PRELID2: variants seen among roughly 807,000 people sequenced by gnomAD.
PRELID2 encodes the protein PRELI domain containing 2.
Under a neutral mutation model 28.4 loss-of-function variants are expected in PRELID2, and 25 were observed. That is an observed-to-expected ratio of 0.88 (90% CI 0.64 to 1.23). The LOEUF is 1.23. Ranked by LOEUF, PRELID2 falls within the 50% of genes most tolerant of loss-of-function variation. The pLI is 0.00. For synonymous variants in PRELID2, 76 were observed against 71.6 expected, an observed-to-expected ratio of 1.06 and a Z score of -0.31; for missense variants, 201 against 214.4, an observed-to-expected ratio of 0.94 and a Z score of 0.39.
chr5:145,505,330 G>A (rs1289499996), intron 1 of PRELID2, among the ~76,000 whole-genome samples: 2 of 152,100 alleles, frequency 1.3e-5, no homozygotes, highest in Non-Finnish European at 2.9e-5. Flanking sequence ...CCTCTGAGTA[G>A]CTATGGCCTT....
intron 1 of PRELID2, among the ~76,000 whole-genome samples, chr5:145,473,864 TA>T (rs140869249): frequency 3.5e-3 from 540 of 152,292 alleles, no homozygotes; most frequent in Non-Finnish European, 5.9e-3. Context: ...AGATCGAATA[TA>T]AAAATATATA....
At chr5:145,382,810 A>C in the PRELID2 span, among the ~76,000 whole-genome samples, 1 of 151,938 alleles carries the variant, frequency 6.6e-6, no homozygotes, top group Non-Finnish European at 1.5e-5. Context: ...CCTCAGCATC[A>C]CACAATATAT....
At chr5:145,329,756 T>A in the PRELID2 span, among the ~76,000 whole-genome samples, 2 of 152,172 alleles carry the variant, frequency 1.3e-5, no homozygotes, top group African/African-American at 4.8e-5. Context: ...CTCTCCCTAT[T>A]TGAATACCCT....
At chr5:145,712,962 C>A (rs1046328013) in intron 1 of PRELID2, among the ~76,000 whole-genome samples, 5 of 151,644 alleles carry the variant, frequency 3.3e-5, no homozygotes, top group African/African-American at 1.2e-4. Flanking sequence ...AAGGGTCAGT[C>A]AAGCTAAAGA....
At chr5:145,654,258 T>C (rs1478101424) in intron 1 of PRELID2, among the ~76,000 whole-genome samples, 1 of 152,172 alleles carries the variant, frequency 6.6e-6, no homozygotes, top group Non-Finnish European at 1.5e-5. Flanking sequence ...CAATAATTGA[T>C]AGCTTACCAG....
At chr5:145,686,295 T>A (rs1262749327) in intron 1 of PRELID2, among the ~76,000 whole-genome samples, 1 of 152,172 alleles carries the variant, frequency 6.6e-6, no homozygotes, top group African/African-American at 2.4e-5. Flanking sequence ...CCTAGCACAG[T>A]GCCTGGCTTA....
At chr5:145,604,882 C>CAT (rs35401852) in intron 1 of PRELID2, among the ~76,000 whole-genome samples, 3,862 of 116,030 alleles carry the variant, frequency 0.033, 165 homozygotes, top group South Asian at 0.092. Flanking sequence ...GCTTGTTGGC[C>CAT]ATATATATAT....
At chr5:145,774,597 A>T (rs531466020) in intron 5 of PRELID2, among the ~76,000 whole-genome samples, 2 of 152,328 alleles carry the variant, frequency 1.3e-5, no homozygotes, top group South Asian at 4.1e-4. Flanking sequence ...ACATTCAGCT[A>T]GAGGCTGATG....
At chr5:145,412,782 A>C in the PRELID2 span, among the ~76,000 whole-genome samples, 1 of 152,180 alleles carries the variant, frequency 6.6e-6, no homozygotes. Context: ...TTATAAAGGA[A>C]AGACATTCAA....
intron 1 of PRELID2, among the ~76,000 whole-genome samples, chr5:145,510,371 T>A (rs1035019395): frequency 3.9e-5 from 6 of 152,210 alleles, no homozygotes; most frequent in Non-Finnish European, 8.8e-5. Context: ...TTAATGGGAC[T>A]AGACAGCCTT....
intron 1 of PRELID2, among the ~76,000 whole-genome samples, chr5:145,520,746 A>G (rs1468086141): frequency 6.6e-6 from 1 of 152,158 alleles, no homozygotes; most frequent in Admixed American, 6.5e-5. Flanking sequence ...TCCTTCTCCT[A>G]CTAGAATTTA....
intron 6 of PRELID2, among the ~76,000 whole-genome samples, chr5:145,764,013 T>C (rs1045307145): frequency 6.6e-5 from 10 of 151,684 alleles, no homozygotes; most frequent in Non-Finnish European, 1.2e-4. Flanking sequence ...GAGATGGAGG[T>C]TGCAGAGAGG....
intron 1 of PRELID2, among the ~76,000 whole-genome samples, chr5:145,662,461 G>C (rs1754512386): frequency 6.6e-6 from 1 of 152,084 alleles, no homozygotes; most frequent in African/African-American, 2.4e-5. Flanking sequence ...AAAGGGCAAT[G>C]CTCTTTGGTA....
At chr5:145,655,981 A>G (rs1754386039) in intron 1 of PRELID2, among the ~76,000 whole-genome samples, 1 of 152,222 alleles carries the variant, frequency 6.6e-6, no homozygotes, top group Non-Finnish European at 1.5e-5. Flanking sequence ...AGAATGGGAG[A>G]AAAATTTTGC....
chr5:145,351,039 C>T, the PRELID2 span, among the ~76,000 whole-genome samples: 1 of 152,124 alleles, frequency 6.6e-6, no homozygotes, highest in African/African-American at 2.4e-5. Flanking sequence ...ACTCTCACAA[C>T]ACAGAGAGTA....
At chr5:145,572,450 A>AT (rs1561508547) in intron 1 of PRELID2, among the ~76,000 whole-genome samples, 2 of 152,180 alleles carry the variant, frequency 1.3e-5, no homozygotes, top group East Asian at 3.8e-4. Context: ...AACTCATAGG[A>AT]TTTTTTAAGG....
chr5:145,485,364 G>A, intron 1 of PRELID2, among the ~76,000 whole-genome samples: 1 of 152,176 alleles, frequency 6.6e-6, no homozygotes, highest in East Asian at 1.9e-4. Context: ...AGTGAGGTAA[G>A]TACTTCCAAG....
intron 4 of PRELID2, among the ~76,000 whole-genome samples, chr5:145,808,275 T>A (rs1395145670): frequency 6.6e-6 from 1 of 152,038 alleles, no homozygotes; most frequent in East Asian, 1.9e-4. Flanking sequence ...AAAGCAGGTA[T>A]GGAGGTCAAT....
chr5:145,385,854 G>A, the PRELID2 span, among the ~76,000 whole-genome samples: 1 of 151,994 alleles, frequency 6.6e-6, no homozygotes, highest in African/African-American at 2.4e-5. Context: ...TTAACAAACT[G>A]AAAACATATT....
Sources: gnomAD v4.1 joint callset for allele counts (sites outside exome capture counted in the v4.1 genomes callset) on GRCh38, gnomAD v4.1.1 for gene constraint, MANE v1.5 for transcripts, NCBI Gene and HGNC (gene_info 2026-07-23, HGNC 2026-07-21) for gene names.